The following PTPRM variants were observed in gnomAD, a reference collection of about 807,000 sequenced individuals.
PTPRM encodes the protein protein tyrosine phosphatase receptor type M, also known as receptor-type tyrosine-protein phosphatase mu.
In PTPRM, 47 loss-of-function variants were observed where a neutral mutation model predicts 186.7. That is an observed-to-expected ratio of 0.25 (90% CI 0.20 to 0.32). The LOEUF (loss-of-function observed/expected upper bound fraction) is 0.32, where lower values mean the gene tolerates loss of function less well. Among genes scored for constraint, PTPRM ranks in the 10% least tolerant of loss-of-function variants. The pLI, the probability that PTPRM is intolerant of heterozygous loss-of-function variation, is 1.00. For synonymous variants in PTPRM, 668 were observed against 674.9 expected (o/e 0.99, Z 0.16); for missense variants, 1,494 against 1,865.0 (o/e 0.80, Z 3.66).
At chr18:8,075,512 T>C (rs2089754262) in intron 8 of PTPRM, among the ~76,000 whole-genome samples, 1 of 152,140 alleles carries the variant, frequency 6.6e-6, no homozygotes, top group Non-Finnish European at 1.5e-5. Flanking sequence ...AAATTGTCTA[T>C]AACATGAAGC....
chr18:8,011,694 A>G (rs2147870646), intron 7 of PTPRM, among the ~76,000 whole-genome samples: 1 of 152,318 alleles, frequency 6.6e-6, no homozygotes, highest in South Asian at 2.1e-4. Context: ...CTATTAGGAA[A>G]TAACTGCCCA....
At chr18:7,706,790 A>G (rs2040103858) in intron 1 of PTPRM, among the ~76,000 whole-genome samples, 1 of 152,068 alleles carries the variant, frequency 6.6e-6, no homozygotes, top group Non-Finnish European at 1.5e-5. Context: ...TTATGAGATT[A>G]CACTTAAATA....
chr18:8,249,634 G>A (rs1241527887), intron 17 of PTPRM, among the ~76,000 whole-genome samples: 1 of 152,128 alleles, frequency 6.6e-6, no homozygotes, highest in Non-Finnish European at 1.5e-5. Context: ...CCGTGAGTGG[G>A]GAGGGCTAAA....
intron 19 of PTPRM, among the ~76,000 whole-genome samples, chr18:8,292,224 C>A (rs559841284): frequency 6.6e-6 from 1 of 152,214 alleles, no homozygotes; most frequent in African/African-American, 2.4e-5. Context: ...AAGAGGGAGT[C>A]TAAAGTAAAT....
At chr18:8,325,926 T>C (rs182674310) in intron 22 of PTPRM, among the ~76,000 whole-genome samples, 1 of 152,326 alleles carries the variant, frequency 6.6e-6, no homozygotes, top group East Asian at 1.9e-4. Context: ...TATCTAACAA[T>C]TGGTGATGTT....
chr18:7,704,557 CTT>C (rs2040035833), intron 1 of PTPRM, among the ~76,000 whole-genome samples: 1 of 151,926 alleles, frequency 6.6e-6, no homozygotes, highest in Non-Finnish European at 1.5e-5. Context: ...TTTGATTCTT[CTT>C]TCTTCTTTAT....
intron 1 of PTPRM, chr18:7,755,291 A>G (rs1405010403): frequency 6.6e-6 from 1 of 152,030 alleles, no homozygotes; most frequent in Non-Finnish European, 1.5e-5. Flanking sequence ...GGAGGTGAGT[A>G]TGGAAAACAA....
At chr18:8,326,555 C>A (rs1201250888) in intron 22 of PTPRM, among the ~76,000 whole-genome samples, 2 of 152,148 alleles carry the variant, frequency 1.3e-5, no homozygotes, top group African/African-American at 2.4e-5. Context: ...CTACAGTAAC[C>A]AAAACAGCAT....
chr18:8,253,079 A>G (rs1011076139), intron 18 of PTPRM, 148 bp from the exon 19 acceptor site: 5 of 540,570 alleles, frequency 9.2e-6, no homozygotes, highest in Non-Finnish European at 1.5e-5. Flanking sequence ...ATTTCTAAAC[A>G]TTTAACTTTT....
At chr18:7,802,934 G>A (rs1455916703) in intron 2 of PTPRM, among the ~76,000 whole-genome samples, 1 of 152,148 alleles carries the variant, frequency 6.6e-6, no homozygotes, top group Non-Finnish European at 1.5e-5. Context: ...TATAATGGCA[G>A]TTAGAATTAT....
In PTPRM at chr18:8,157,200, C is replaced by T. The variant is rs144824178; in HGVS notation, c.2300+13421C>T. ...TCAGTTTCCCCAGCTATTCCAAGGG[C>T]ATAATAATAGTTCTTACATCATAAA... On this transcript the variant is annotated intron_variant, in intron 14 of 32. Coordinates refer to ENST00000580170, the MANE Select transcript of PTPRM (RefSeq NM_001105244.2). Among the ~76,000 whole-genome samples, 19 of 152,268 alleles carry T rather than the reference C, an allele frequency of 1.2e-4. No homozygotes were observed. In the East Asian group the frequency reaches 3.7e-3, roughly 29 times the overall value.
At chr18:7,693,988 G>C (rs776134552) in intron 1 of PTPRM, among the ~76,000 whole-genome samples, 2 of 152,156 alleles carry the variant, frequency 1.3e-5, no homozygotes, top group Non-Finnish European at 2.9e-5. Flanking sequence ...AGCAAGCCTT[G>C]ATACCTGACT....
At chr18:7,867,790 T>C (rs1337578304) in intron 2 of PTPRM, among the ~76,000 whole-genome samples, 2 of 152,186 alleles carry the variant, frequency 1.3e-5, no homozygotes, top group Non-Finnish European at 2.9e-5. Context: ...TGAAGAGTGT[T>C]TTCCAAGTTG....
At chr18:7,704,601 T>G (rs1443426200) in intron 1 of PTPRM, among the ~76,000 whole-genome samples, 1 of 151,562 alleles carries the variant, frequency 6.6e-6, no homozygotes, top group African/African-American at 2.4e-5. Context: ...TAACATTAGA[T>G]GAAAGAAGAC....
intron 7 of PTPRM, among the ~76,000 whole-genome samples, chr18:7,966,225 G>T (rs893715487): frequency 4.6e-5 from 7 of 152,152 alleles, no homozygotes; most frequent in African/African-American, 1.7e-4. Context: ...AGGAAGTATA[G>T]TTATACCTGT....
rs764711647 is a variant in PTPRM, at chr18:8,085,865, A to G, written c.1746A>G (p.Lys582=). The G allele has an allele frequency of 6.2e-7, 1 of 1,611,844 alleles. No homozygotes were observed. The highest frequency in any genetic ancestry group is 1.3e-5 in the African/African-American group (1 of 74,768). The change falls in exon 10 of 33, where the codon AAA becomes AAG. Residue 582 remains lysine (K), a synonymous_variant. Coordinates refer to ENST00000580170, the MANE Select transcript of PTPRM (RefSeq NM_001105244.2). ...CAGCAACAAACCAGTTCACCACCAA[A>G]ATATCAGGTACTCTACATTCGTGAG... ...GPPATNQFTT[K]ISAPSMPAYE...
intron 2 of PTPRM, among the ~76,000 whole-genome samples, chr18:7,826,286 C>G (rs1291916453): frequency 2.6e-5 from 4 of 152,220 alleles, no homozygotes; most frequent in Admixed American, 6.5e-5. Flanking sequence ...TTAAATTCAA[C>G]AGAAGCTACA....
intron 13 of PTPRM, among the ~76,000 whole-genome samples, chr18:8,125,563 C>G (rs932203564): frequency 6.6e-6 from 1 of 151,942 alleles, no homozygotes; most frequent in Non-Finnish European, 1.5e-5. Flanking sequence ...CTGGTTGCTG[C>G]CTTCTAAATT....
chr18:8,023,819 A>G (rs1320376856), intron 7 of PTPRM, among the ~76,000 whole-genome samples: 2 of 143,638 alleles, frequency 1.4e-5, no homozygotes, highest in Admixed American at 1.4e-4. Flanking sequence ...TTTAAATGGT[A>G]AATTATCAGA....
Sources: allele counts gnomAD v4.1 joint callset (sites outside exome capture counted in the v4.1 genomes callset), GRCh38; gene constraint gnomAD v4.1.1; transcripts MANE v1.5; gene names NCBI Gene and HGNC (gene_info 2026-07-23, HGNC 2026-07-21).